Variants in SGCD observed in about 807,000 individuals in gnomAD.
SGCD encodes delta-sarcoglycan.
A neutral mutation model predicts 36.6 loss-of-function variants in SGCD; 18 were observed. That is an observed-to-expected ratio of 0.49 (90% CI 0.34 to 0.73). The LOEUF (loss-of-function observed/expected upper bound fraction) is 0.73. Ranked by LOEUF, SGCD falls within the 30% of genes least tolerant of loss-of-function variation. SGCD has a pLI of 0.01. For synonymous variants in SGCD, 133 were observed against 130.6 expected (o/e 1.02, Z -0.12); for missense variants, 387 against 346.7 (o/e 1.12, Z -0.92).
intron 3 of SGCD, among the ~76,000 whole-genome samples, chr5:156,220,550 A>G (rs1764692470): frequency 6.6e-6 from 1 of 152,166 alleles, no homozygotes; most frequent in South Asian, 2.1e-4. Flanking sequence ...TGTGATATAG[A>G]TGTAATGACA....
At chr5:155,886,258 A>AC (rs1755995821) in intron 1 of SGCD, among the ~76,000 whole-genome samples, 1 of 152,164 alleles carries the variant, frequency 6.6e-6, no homozygotes, top group Non-Finnish European at 1.5e-5. Flanking sequence ...CTTATAAGGG[A>AC]CTGGAATGAG....
At chr5:156,197,509 T>A (rs897744232) in intron 3 of SGCD, among the ~76,000 whole-genome samples, 1 of 145,666 alleles carries the variant, frequency 6.9e-6, no homozygotes, top group African/African-American at 2.5e-5. Context: ...TTGGCCTTTA[T>A]AGCTCACAGT....
At chr5:156,562,416 A>G (rs571840818) in intron 4 of SGCD, among the ~76,000 whole-genome samples, 4 of 152,210 alleles carry the variant, frequency 2.6e-5, no homozygotes, top group Non-Finnish European at 5.9e-5. Context: ...GGCCAAAGTG[A>G]AAGGCAAGAG....
chr5:155,760,128 A>G, the SGCD span, among the ~76,000 whole-genome samples: 7 of 151,174 alleles, frequency 4.6e-5, no homozygotes, highest in Admixed American at 4.0e-4. Context: ...CCTCTCCATC[A>G]TCATCTCCAT....
At chr5:156,120,602 G>A (rs886226223) in intron 2 of SGCD, among the ~76,000 whole-genome samples, 4 of 152,148 alleles carry the variant, frequency 2.6e-5, no homozygotes, top group Admixed American at 6.6e-5. Flanking sequence ...TTTGGATCAT[G>A]TCCTTGGATG....
At chr5:155,871,383 C>T (rs1755652890) in intron 1 of SGCD, among the ~76,000 whole-genome samples, 1 of 152,166 alleles carries the variant, frequency 6.6e-6, no homozygotes, top group Non-Finnish European at 1.5e-5. Context: ...TTTGCGACCT[C>T]TCTGCCGAAG....
At chr5:156,454,866 A>G (rs1261781922) in intron 3 of SGCD, among the ~76,000 whole-genome samples, 1 of 152,086 alleles carries the variant, frequency 6.6e-6, no homozygotes. Context: ...TTGCTGAGGA[A>G]CTGTGTGCTC....
intron 6 of SGCD, among the ~76,000 whole-genome samples, chr5:156,622,435 A>AAATAATAATAATAATAAT (rs56979795): frequency 7.3e-6 from 1 of 137,086 alleles, no homozygotes; most frequent in Non-Finnish European, 1.5e-5. Flanking sequence ...TCTGTCTAAA[A>AAATAATAATAATAATAAT]AATAATAATA....
chr5:156,425,556 G>A (rs978408920), intron 3 of SGCD, among the ~76,000 whole-genome samples: 8 of 151,640 alleles, frequency 5.3e-5, no homozygotes, highest in Admixed American at 2.6e-4. Context: ...CTTGGATGAC[G>A]GGTTTTTTTT....
intron 1 of SGCD, among the ~76,000 whole-genome samples, chr5:156,057,644 C>T (rs1760094044): frequency 6.8e-6 from 1 of 146,084 alleles, no homozygotes; most frequent in African/African-American, 2.5e-5. Context: ...CTGAAAGGGA[C>T]CATCATCTTG....
chr5:156,573,798 A>G (rs1363531059), intron 4 of SGCD, among the ~76,000 whole-genome samples: 2 of 151,956 alleles, frequency 1.3e-5, no homozygotes, highest in Admixed American at 6.6e-5. Flanking sequence ...GACTCAAGTG[A>G]TCCTCTCAAC....
intron 3 of SGCD, among the ~76,000 whole-genome samples, chr5:156,452,433 A>G (rs1754061135): frequency 6.6e-6 from 1 of 152,148 alleles, no homozygotes; most frequent in Non-Finnish European, 1.5e-5. Flanking sequence ...TTATACAACC[A>G]CACTTAATAG....
chr5:156,194,568 A>C (rs115542435), intron 3 of SGCD, among the ~76,000 whole-genome samples: 8 of 152,136 alleles, frequency 5.3e-5, no homozygotes, highest in Non-Finnish European at 8.8e-5. Context: ...GGTATTTTGC[A>C]TAGATAAGCT....
chr5:156,462,979 CTTCTTA>C (rs1754553717), intron 3 of SGCD, among the ~76,000 whole-genome samples: 1 of 152,146 alleles, frequency 6.6e-6, no homozygotes, highest in South Asian at 2.1e-4. Context: ...TCATCAAGAG[CTTCTTA>C]TTCTTGAGAA....
chr5:156,582,982 T>C (rs1388422348), intron 4 of SGCD, among the ~76,000 whole-genome samples: 1 of 152,208 alleles, frequency 6.6e-6, no homozygotes, highest in Admixed American at 6.5e-5. Flanking sequence ...TCTACCCTCT[T>C]ATAGGATCCC....
the SGCD span, among the ~76,000 whole-genome samples, chr5:155,806,218 G>A: frequency 3.9e-5 from 6 of 152,270 alleles, no homozygotes; most frequent in South Asian, 6.2e-4. Context: ...GCAGTGGCAC[G>A]ATATCAAATC....
intron 6 of SGCD, among the ~76,000 whole-genome samples, chr5:156,645,274 A>G (rs17053715): frequency 2.0e-5 from 3 of 152,182 alleles, no homozygotes; most frequent in Admixed American, 2.0e-4. Context: ...TTGAAATAAT[A>G]AAATTGAGAA....
chr5:156,349,628 T>A (rs533627804), intron 3 of SGCD, among the ~76,000 whole-genome samples: 56 of 152,208 alleles, frequency 3.7e-4, no homozygotes, highest in African/African-American at 1.3e-3. Context: ...GAAGGAATAT[T>A]TATATACTGC....
At chr5:156,451,495 G>A (rs1395522265) in intron 3 of SGCD, among the ~76,000 whole-genome samples, 1 of 152,210 alleles carries the variant, frequency 6.6e-6, no homozygotes, top group Non-Finnish European at 1.5e-5. Flanking sequence ...ACTTCCCATC[G>A]GAGTCCATTA....
Sources: allele counts gnomAD v4.1 joint callset (sites outside exome capture counted in the v4.1 genomes callset), GRCh38; gene constraint gnomAD v4.1.1; transcripts MANE v1.5; gene names NCBI Gene and HGNC (gene_info 2026-07-23, HGNC 2026-07-21).